ARSB: variants seen among roughly 807,000 people sequenced by gnomAD.
The protein encoded by ARSB is N-acetylgalactosamine-4-sulfatase.
ARSB carries 41 observed loss-of-function variants against 50.9 expected under a neutral mutation model. The ratio of observed to expected loss-of-function variants is 0.81; its 90% CI spans 0.63 to 1.04. The LOEUF is 1.04. ARSB is among the 50% of genes least tolerant of loss of function. ARSB has a pLI of 0.00. For missense variants in ARSB, 672 were observed against 693.3 expected (o/e 0.97, Z 0.35); for synonymous variants, 269 against 284.8 (o/e 0.94, Z 0.56).
intron 4 of ARSB, among the ~76,000 whole-genome samples, chr5:78,911,405 C>T (rs1749299240): frequency 6.6e-6 from 1 of 151,490 alleles, no homozygotes; most frequent in African/African-American, 2.4e-5. Context: ...GAAACCCCGT[C>T]TCTACTAAAA....
intron 4 of ARSB, among the ~76,000 whole-genome samples, chr5:78,913,846 T>C (rs537164470): frequency 3.5e-4 from 54 of 152,310 alleles, no homozygotes; most frequent in Non-Finnish European, 5.1e-4. Context: ...TTAAAACTCA[T>C]GTTTTTAAAA....
intron 4 of ARSB, among the ~76,000 whole-genome samples, chr5:78,912,801 C>A (rs1409977433): frequency 1.3e-5 from 2 of 152,198 alleles, no homozygotes; most frequent in Non-Finnish European, 2.9e-5. Flanking sequence ...CTCTTGGGAT[C>A]AATTCACAAT....
chr5:78,924,537 G>C (rs1197104445), intron 4 of ARSB, among the ~76,000 whole-genome samples: 2 of 152,070 alleles, frequency 1.3e-5, no homozygotes, highest in Admixed American at 1.3e-4. Flanking sequence ...CCTTCTCCCT[G>C]TTCCCAACAT....
At chr5:78,967,963 T>C (rs1463644053) in intron 2 of ARSB, among the ~76,000 whole-genome samples, 3 of 152,172 alleles carry the variant, frequency 2.0e-5, no homozygotes, top group African/African-American at 4.8e-5. Flanking sequence ...ACTGGCAAGA[T>C]ACACAGGTTA....
chr5:78,874,430 A>G (rs1047036968), intron 5 of ARSB, among the ~76,000 whole-genome samples: 14 of 152,344 alleles, frequency 9.2e-5, no homozygotes, highest in African/African-American at 3.4e-4. Context: ...TGATTTCCTT[A>G]TGGGTAATAA....
intron 6 of ARSB, among the ~76,000 whole-genome samples, chr5:78,830,309 T>G (rs1338143701): frequency 6.6e-6 from 1 of 152,036 alleles, no homozygotes; most frequent in Non-Finnish European, 1.5e-5. Context: ...AGAGAAGGGA[T>G]CTGGTGAGGC....
At chr5:78,883,885 T>A (rs1378764128) in intron 5 of ARSB, 3 of 152,180 alleles carry the variant, frequency 2.0e-5, no homozygotes, top group Non-Finnish European at 2.9e-5. Flanking sequence ...AACCCTACTA[T>A]TTTTTAACAT....
At position 78,850,038 on chromosome 5, in the gene ARSB, T is replaced by C. The variant is rs1263882557; in HGVS notation, c.1143-10612A>G. On this transcript the variant is annotated intron_variant, in intron 5 of 7. Coordinates refer to ENST00000264914, the MANE Select transcript of ARSB (RefSeq NM_000046.5). ...ACAATTTGACTTCCTCTTTTCCTAA[T>C]TGAATGCCCTTTATTTCCTTCTCCT... Among the ~76,000 whole-genome samples, 69 of 151,054 alleles carry C rather than the reference T, an allele frequency of 4.6e-4. No individual in the cohort carries two copies. The East Asian group carries it at 5.2e-3, about 11-fold the overall frequency.
chr5:78,848,337 G>A (rs533155227), intron 5 of ARSB, among the ~76,000 whole-genome samples: 14 of 49,076 alleles, frequency 2.9e-4, no homozygotes, highest in African/African-American at 9.6e-4. Context: ...TTGTCCTTGC[G>A]ATAGTTTACT....
At chr5:78,913,775 A>G (rs976173932) in intron 4 of ARSB, among the ~76,000 whole-genome samples, 6 of 152,202 alleles carry the variant, frequency 3.9e-5, no homozygotes, top group Non-Finnish European at 7.3e-5. Context: ...GCTGGGGGAA[A>G]AAAAATTTCT....
chr5:78,819,249 C>A (rs890890467), intron 6 of ARSB, among the ~76,000 whole-genome samples: 1 of 152,108 alleles, frequency 6.6e-6, no homozygotes, highest in Non-Finnish European at 1.5e-5. Flanking sequence ...GGGAAGGAAG[C>A]TCCGAGGGCC....
chr5:78,833,426 G>C (rs1744783667), intron 6 of ARSB, among the ~76,000 whole-genome samples: 1 of 152,196 alleles, frequency 6.6e-6, no homozygotes, highest in African/African-American at 2.4e-5. Flanking sequence ...GGTACTATCT[G>C]AACAGAGACC....
chr5:78,825,429 A>G (rs1029628868), intron 6 of ARSB, among the ~76,000 whole-genome samples: 2 of 152,240 alleles, frequency 1.3e-5, no homozygotes, highest in African/African-American at 2.4e-5. Flanking sequence ...AGACTAAGAA[A>G]AAAATCCCAT....
rs1284321259 is a variant in ARSB, at chr5:78,872,269, G to T, written c.1142+13315C>A. Among the ~76,000 whole-genome samples the T allele has an allele frequency of 5.3e-5, 8 of 151,580 alleles. No individual in the cohort carries two copies. In the Admixed American group the frequency reaches 5.3e-4, roughly 10 times the overall value. ...GGAAGTCAGTGTGGCGATTCCTCAGGGATCCAGAACTAGAAATACCATTTG... is the reference window on the plus strand; with the variant it reads ...GGAAGTCAGTGTGGCGATTCCTCAGTGATCCAGAACTAGAAATACCATTTG... On this transcript the variant is annotated intron_variant, in intron 5 of 7. Transcript: ENST00000264914.
chr5:78,895,751 A>G (rs1350273249), intron 4 of ARSB, among the ~76,000 whole-genome samples: 2 of 152,330 alleles, frequency 1.3e-5, no homozygotes, highest in South Asian at 2.1e-4. Flanking sequence ...CCCTCAACCC[A>G]GGAAGCAGGC....
chr5:78,864,448 C>T (rs145432985), intron 5 of ARSB, among the ~76,000 whole-genome samples: 175 of 152,210 alleles, frequency 1.1e-3, no homozygotes, highest in African/African-American at 4.0e-3. Flanking sequence ...GAGGAAACTG[C>T]CCCCATGATT....
intron 5 of ARSB, among the ~76,000 whole-genome samples, chr5:78,857,455 T>C (rs1746209191): frequency 6.6e-6 from 1 of 152,226 alleles, no homozygotes; most frequent in Admixed American, 6.5e-5. Flanking sequence ...TGATTTTATT[T>C]GTGAAATAAA....
chr5:78,917,260 C>T (rs1235396771), intron 4 of ARSB, among the ~76,000 whole-genome samples: 2 of 152,150 alleles, frequency 1.3e-5, no homozygotes, highest in Admixed American at 6.5e-5. Context: ...TTCTATATTC[C>T]TATAGTTGTC....
At chr5:78,974,674 T>G (rs1752591132) in intron 1 of ARSB, among the ~76,000 whole-genome samples, 1 of 152,176 alleles carries the variant, frequency 6.6e-6, no homozygotes, top group African/African-American at 2.4e-5. Flanking sequence ...CAAACTTATT[T>G]CCTTATTTCC....
Sources: gnomAD v4.1 joint callset for allele counts (sites outside exome capture counted in the v4.1 genomes callset) on GRCh38, gnomAD v4.1.1 for gene constraint, MANE v1.5 for transcripts, NCBI Gene and HGNC (gene_info 2026-07-23, HGNC 2026-07-21) for gene names.